The following ATP6V0E1 variants were observed in gnomAD, a reference collection of about 807,000 sequenced individuals.
The protein encoded by ATP6V0E1 is ATPase H+ transporting V0 subunit e1.
A neutral mutation model predicts 11.6 loss-of-function variants in ATP6V0E1; 4 were observed. That is an observed-to-expected ratio of 0.35 (90% CI 0.17 to 0.79). The LOEUF is 0.79. ATP6V0E1 is among the 30% of genes least tolerant of loss of function. The probability of loss-of-function intolerance (pLI) is 0.54; values close to 1 mark genes in which losing one functional copy is unlikely to be tolerated. For synonymous variants in ATP6V0E1, 36 were observed against 34.8 expected (o/e 1.04, Z -0.13); for missense variants, 105 against 100.0 (o/e 1.05, Z -0.21).
chr5:172,996,863 C>T (rs1561769056), intron 2 of ATP6V0E1, among the ~76,000 whole-genome samples: 1 of 151,830 alleles, frequency 6.6e-6, no homozygotes, highest in Non-Finnish European at 1.5e-5. Flanking sequence ...AATTACTTTT[C>T]TTTAAACAAT....
At chr5:173,007,410 T>C (rs964538319) in intron 2 of ATP6V0E1, among the ~76,000 whole-genome samples, 6 of 152,212 alleles carry the variant, frequency 3.9e-5, no homozygotes, top group African/African-American at 1.4e-4. Flanking sequence ...TGTCAGCTCC[T>C]AGAGGCCACC....
At chr5:173,020,568 A>G (rs1756463583) in intron 3 of ATP6V0E1, 2 of 557,472 alleles carry the variant, frequency 3.6e-6, no homozygotes, top group South Asian at 1.9e-5. Context: ...AGATTCTGCT[A>G]TCACCCTGCC....
At chr5:172,985,743 C>T (rs1755886967) in intron 1 of ATP6V0E1, among the ~76,000 whole-genome samples, 2 of 152,204 alleles carry the variant, frequency 1.3e-5, no homozygotes. Context: ...GAAACCCATC[C>T]TGTTTCCACT....
chr5:173,013,370 T>G (rs909861143), intron 2 of ATP6V0E1, among the ~76,000 whole-genome samples: 5 of 151,710 alleles, frequency 3.3e-5, no homozygotes, highest in African/African-American at 1.2e-4. Flanking sequence ...GGTCAGGAGA[T>G]CGAGACCATC....
At chr5:172,995,256 G>A (rs566207633) in intron 2 of ATP6V0E1, among the ~76,000 whole-genome samples, 14 of 152,244 alleles carry the variant, frequency 9.2e-5, no homozygotes, top group Admixed American at 5.9e-4. Context: ...GGCACACGCC[G>A]CCATGCATGG....
chr5:173,034,869 A>T lies in ATP6V0E1; in HGVS notation c.*507A>T, dbSNP rs1756718492. 1 of 159,402 alleles carries T rather than the reference A, an allele frequency of 6.3e-6. No individual in the cohort carries two copies. The highest frequency in any genetic ancestry group is 1.4e-5 in the Non-Finnish European group (1 of 73,022). 9.9% of individuals were successfully genotyped at this position (159,402 alleles called of 1,614,324 possible). ...TTCTTTCTGCCATCTTTTGGAATAAATATTTTCCTCCTTTCTATGGAAATC... is the reference window on the plus strand; with the variant it reads ...TTCTTTCTGCCATCTTTTGGAATAATTATTTTCCTCCTTTCTATGGAAATC... On this transcript the variant is annotated 3_prime_UTR_variant, in exon 4 of 4. Transcript: ENST00000519374.
At chr5:173,018,600 T>G (rs1756436838) in intron 2 of ATP6V0E1, among the ~76,000 whole-genome samples, 1 of 151,998 alleles carries the variant, frequency 6.6e-6, no homozygotes, top group Non-Finnish European at 1.5e-5. Context: ...GACCACCCTG[T>G]CGAAATAATG....
chr5:173,034,446 G>T lies in ATP6V0E1; in HGVS notation c.*84G>T, dbSNP rs1161522483. 22 of 702,794 alleles carry T rather than the reference G, an allele frequency of 3.1e-5. No homozygotes were observed. Among genetic ancestry groups the T allele is most frequent in the Non-Finnish European group, 5.7e-5 (22 of 384,948 alleles). The allele number at this position is 702,794 out of a possible 1,614,324, so 43.5% of individuals were successfully genotyped here. A position where few individuals can be genotyped will look rare whatever the true frequency, so the allele number is the denominator to read the frequency against. On this transcript the variant is annotated 3_prime_UTR_variant, in exon 4 of 4. Coordinates refer to ENST00000519374, the MANE Select transcript of ATP6V0E1 (RefSeq NM_003945.4). The stretch of plus-strand genomic sequence containing the variant: ...TAGATGCAAAATCACCTCCAAACCA[G>T]ACCACTTTTCTTGACTTGCCTGTTT...
intron 2 of ATP6V0E1, among the ~76,000 whole-genome samples, chr5:173,001,840 T>A (rs1756160549): frequency 6.6e-6 from 1 of 151,942 alleles, no homozygotes; most frequent in South Asian, 2.1e-4. Context: ...TGCCTCAGCC[T>A]CCCGAGTAAC....
rs1158447516 is a variant in ATP6V0E1, at chr5:173,027,178, C to CAAA, written c.*36+6835_*36+6837dup. On this transcript the variant is annotated intron_variant, in intron 3 of 3. Coordinates refer to ENST00000519374, the MANE Select transcript of ATP6V0E1 (RefSeq NM_003945.4). ...TGGGTGACACAGCGAGACTCCGTCTCAAAAAAAAAAAAAAAAAAAAAAAAA... is the reference window on the plus strand; with the variant it reads ...TGGGTGACACAGCGAGACTCCGTCTCAAAAAAAAAAAAAAAAAAAAAAAAAAAA... 1.9e-4 allele frequency among the ~76,000 whole-genome samples: 5 copies of CAAA among 26,052 alleles called. 1 individual carries two copies. The highest frequency in any genetic ancestry group is 5.6e-4 in the Admixed American group (1 of 1,792). The allele number at this position is 26,052 out of a possible 152,430, so 17.1% of individuals were successfully genotyped here.
intron 2 of ATP6V0E1, among the ~76,000 whole-genome samples, chr5:173,007,661 A>G (rs1279591412): frequency 6.6e-6 from 1 of 152,210 alleles, no homozygotes; most frequent in Non-Finnish European, 1.5e-5. Context: ...ACTAAAAGAT[A>G]CAAAGAAACT....
intron 3 of ATP6V0E1, among the ~76,000 whole-genome samples, chr5:173,025,032 G>A (rs564210907): frequency 1.3e-5 from 2 of 150,884 alleles, no homozygotes; most frequent in East Asian, 1.9e-4. Context: ...TAGTAGAGAC[G>A]GGGTTTCACC....
intron 3 of ATP6V0E1, among the ~76,000 whole-genome samples, chr5:173,022,501 C>T (rs1756501138): frequency 6.6e-6 from 1 of 152,172 alleles, no homozygotes; most frequent in Non-Finnish European, 1.5e-5. Context: ...TTAATTGAGA[C>T]AGAATCTCAT....
chr5:173,017,940 C>G (rs1001782592), intron 2 of ATP6V0E1, among the ~76,000 whole-genome samples: 6 of 152,074 alleles, frequency 3.9e-5, no homozygotes, highest in African/African-American at 1.4e-4. Context: ...TTTCACTCTC[C>G]CAGATTGGTA....
At chr5:173,010,235 A>G (rs1756299006) in intron 2 of ATP6V0E1, among the ~76,000 whole-genome samples, 1 of 152,174 alleles carries the variant, frequency 6.6e-6, no homozygotes, top group Non-Finnish European at 1.5e-5. Context: ...GAGGAGGTGG[A>G]GATGAGAATG....
At chr5:172,986,680 A>G (rs1394948953) in intron 1 of ATP6V0E1, 4 of 450,366 alleles carry the variant, frequency 8.9e-6, no homozygotes, top group Admixed American at 4.8e-5. Flanking sequence ...TGCAGGCACC[A>G]TGTCCATTTT....
At chr5:173,016,228 T>A (rs1756397956) in intron 2 of ATP6V0E1, among the ~76,000 whole-genome samples, 2 of 152,182 alleles carry the variant, frequency 1.3e-5, no homozygotes, top group Admixed American at 6.5e-5. Flanking sequence ...CCCTGTGAGA[T>A]CTGATGCTGA....
At chr5:173,029,220 C>G (rs1756610388) in intron 3 of ATP6V0E1, among the ~76,000 whole-genome samples, 1 of 152,232 alleles carries the variant, frequency 6.6e-6, no homozygotes, top group South Asian at 2.1e-4. Context: ...TGAATTAAGC[C>G]ATACTTGGGA....
chr5:173,024,050 T>C (rs1756520683), intron 3 of ATP6V0E1, among the ~76,000 whole-genome samples: 1 of 151,678 alleles, frequency 6.6e-6, no homozygotes, highest in African/African-American at 2.4e-5. Flanking sequence ...CAAAAAAAAT[T>C]AGCCAGGCAT....
Sources: gnomAD v4.1 joint callset for allele counts (sites outside exome capture counted in the v4.1 genomes callset) on GRCh38, gnomAD v4.1.1 for gene constraint, MANE v1.5 for transcripts, NCBI Gene and HGNC (gene_info 2026-07-23, HGNC 2026-07-21) for gene names.